Variants in RSBN1 observed in about 807,000 individuals in gnomAD.
RSBN1 encodes the protein round spermatid basic protein 1, also known as lysine-specific demethylase 9.
Under a neutral mutation model 74.8 loss-of-function variants are expected in RSBN1, and 23 were observed. That is an observed-to-expected ratio of 0.31 (90% confidence interval 0.22 to 0.44). The LOEUF is 0.44. Among genes scored for constraint, RSBN1 ranks in the 20% least tolerant of loss-of-function variants. RSBN1 has a pLI of 1.00. For synonymous variants in RSBN1, 407 were observed against 379.6 expected, an observed-to-expected ratio of 1.07 and a Z score of -0.84; for missense variants, 808 against 1,020.9, an observed-to-expected ratio of 0.79 and a Z score of 2.84.
intron 2 of RSBN1, among the ~76,000 whole-genome samples, chr1:113,787,438 A>G (rs1176965516): frequency 2.0e-5 from 3 of 152,228 alleles, no homozygotes. Flanking sequence ...CTTTTATAGA[A>G]GGCAAGAACA....
chr1:113,775,470 T>C (rs1660008079), intron 4 of RSBN1, among the ~76,000 whole-genome samples: 1 of 152,024 alleles, frequency 6.6e-6, no homozygotes, highest in African/African-American at 2.4e-5. Context: ...ACCACCTCAG[T>C]AACTAGGATT....
chr1:113,805,294 T>A (rs1006515108), intron 1 of RSBN1, among the ~76,000 whole-genome samples: 2 of 152,166 alleles, frequency 1.3e-5, no homozygotes, highest in Non-Finnish European at 2.9e-5. Flanking sequence ...TTTCACCATG[T>A]TGACTAGGCT....
chr1:113,767,469 C>T (rs1330621039), intron 5 of RSBN1, among the ~76,000 whole-genome samples: 1 of 152,070 alleles, frequency 6.6e-6, no homozygotes, highest in African/African-American at 2.4e-5. Context: ...ATTTGCAGTC[C>T]TCTCGCCACT....
At chr1:113,810,657 C>A (rs1571314956) in intron 1 of RSBN1, among the ~76,000 whole-genome samples, 1 of 152,170 alleles carries the variant, frequency 6.6e-6, no homozygotes, top group East Asian at 1.9e-4. Flanking sequence ...AGACTCAATA[C>A]GTGGAAAGAA....
intron 1 of RSBN1, among the ~76,000 whole-genome samples, chr1:113,808,682 C>T (rs1208052290): frequency 6.6e-6 from 1 of 152,154 alleles, no homozygotes; most frequent in Non-Finnish European, 1.5e-5. Context: ...ATCTCAGGGA[C>T]ATCACACTGA....
chr1:113,776,888 G>A (rs1461137814), intron 4 of RSBN1, among the ~76,000 whole-genome samples: 1 of 151,942 alleles, frequency 6.6e-6, no homozygotes, highest in African/African-American at 2.4e-5. Context: ...AATTCGGTAT[G>A]GCCGGAGAAG....
At chr1:113,777,111 A>G in intron 4 of RSBN1, 99 bp downstream of exon 4, 1 of 1,065,422 alleles carries the variant, frequency 9.4e-7, no homozygotes, top group Non-Finnish European at 1.3e-6. Flanking sequence ...CATTTACTTA[A>G]GGGAGCCCAA....
At chr1:113,780,236 T>A (rs142737618) in intron 2 of RSBN1, among the ~76,000 whole-genome samples, 1 of 152,168 alleles carries the variant, frequency 6.6e-6, no homozygotes, top group Non-Finnish European at 1.5e-5. Flanking sequence ...TCAAGACCAA[T>A]CCTAAAGAAG....
intron 2 of RSBN1, among the ~76,000 whole-genome samples, 183 bp from the exon 3 acceptor site, chr1:113,777,991 C>A (rs2101799179): frequency 6.6e-6 from 1 of 152,212 alleles, no homozygotes; most frequent in South Asian, 2.1e-4. Flanking sequence ...AATACATATG[C>A]CACAAGCAAA....
chr1:113,798,186 G>T, intron 1 of RSBN1, 150 bp from the exon 2 acceptor site: 1 of 639,516 alleles, frequency 1.6e-6, no homozygotes, highest in Non-Finnish European at 2.6e-6. Flanking sequence ...ATGAGACAGA[G>T]ATCTTAAATA....
At position 113,801,729 on chromosome 1, in the gene RSBN1, A is replaced by G. The variant is rs1660587786; in HGVS notation, c.704-3693T>C. Among the ~76,000 whole-genome samples, 9 of 152,352 alleles carry G rather than the reference A, an allele frequency of 5.9e-5. No individual in the cohort carries two copies. The South Asian group carries it at 1.9e-3, about 32-fold the overall frequency. On this transcript the variant is annotated intron_variant, in intron 1 of 6. Transcript: ENST00000261441. The stretch of plus-strand genomic sequence containing the variant: ...CTGTGATTAAGAAAAACTTTCACCT[A>G]TCCAACTGTGTGATTACATATAAAG...
At chr1:113,791,673 AAC>A (rs1660366324) in intron 2 of RSBN1, among the ~76,000 whole-genome samples, 1 of 152,196 alleles carries the variant, frequency 6.6e-6, no homozygotes, top group African/African-American at 2.4e-5. Context: ...ATAGTGAAAA[AAC>A]AGTGTGACTG....
At chr1:113,770,260 G>A (rs1023867506) in intron 4 of RSBN1, among the ~76,000 whole-genome samples, 3 of 152,166 alleles carry the variant, frequency 2.0e-5, no homozygotes, top group African/African-American at 7.2e-5. Flanking sequence ...AAGATGTGAT[G>A]TCTAGAACTG....
At chr1:113,811,623 G>A (rs1660849892) in intron 1 of RSBN1, 87 bp downstream of exon 1, 2 of 1,487,394 alleles carry the variant, frequency 1.3e-6, no homozygotes, top group Non-Finnish European at 1.8e-6. Context: ...GGTAAGCAGG[G>A]GTTTGGCGTC....
intron 4 of RSBN1, among the ~76,000 whole-genome samples, chr1:113,773,039 A>C (rs990220802): frequency 6.6e-6 from 1 of 152,142 alleles, no homozygotes; most frequent in Non-Finnish European, 1.5e-5. Context: ...GTAAGTAAAG[A>C]AAAAAACACC....
intron 2 of RSBN1, among the ~76,000 whole-genome samples, chr1:113,795,513 C>G (rs1660453516): frequency 6.6e-6 from 1 of 152,224 alleles, no homozygotes; most frequent in Non-Finnish European, 1.5e-5. Context: ...CCACACCATA[C>G]TCTTCTCTAA....
intron 1 of RSBN1, among the ~76,000 whole-genome samples, chr1:113,805,690 G>C (rs1660686852): frequency 6.6e-6 from 1 of 152,178 alleles, no homozygotes; most frequent in African/African-American, 2.4e-5. Context: ...AGCATTTACA[G>C]ATTAAATTTT....
At position 113,811,882 on chromosome 1, in the gene RSBN1, C is replaced by T. The variant is rs948658139; in HGVS notation, c.531G>A (p.Thr177=). Residue 177 remains threonine (T), a synonymous_variant, in exon 1 of 7, where the codon ACG becomes ACA. Transcript: ENST00000261441. ...TSALFTFSPL[T]VSAAGPKHKG... ...TATGCTTGGGCCCGGCCGCGCTCAC[C>T]GTCAGAGGCGAGAAGGTGAAGAGGG... 3.1e-6 allele frequency: 5 copies of T among 1,612,876 alleles called. No individual in the cohort carries two copies. The highest frequency in any genetic ancestry group is 3.4e-6 in the Non-Finnish European group (4 of 1,179,674).
chr1:113,804,784 C>T (rs530293161), intron 1 of RSBN1, among the ~76,000 whole-genome samples: 1 of 151,886 alleles, frequency 6.6e-6, no homozygotes, highest in South Asian at 2.1e-4. Flanking sequence ...CCATTGCTAA[C>T]ATCAAAAAGA....
Sources: gnomAD v4.1 joint callset for allele counts (sites outside exome capture counted in the v4.1 genomes callset) on GRCh38, gnomAD v4.1.1 for gene constraint, MANE v1.5 for transcripts, NCBI Gene and HGNC (gene_info 2026-07-23, HGNC 2026-07-21) for gene names.